Variants in BICRAL observed in about 807,000 individuals in gnomAD.
BICRAL encodes the protein BRD4-interacting chromatin-remodeling complex-associated protein-like.
BICRAL carries 8 observed loss-of-function variants against 91.8 expected under a neutral mutation model. The observed-to-expected ratio is 0.09, with a 90% CI of 0.05 to 0.16. The LOEUF is 0.16. Ranked by LOEUF, BICRAL falls within the 10% of genes least tolerant of loss-of-function variation. BICRAL has a pLI of 1.00. For synonymous variants in BICRAL, 445 were observed against 491.1 expected (o/e 0.91, Z 1.24); for missense variants, 1,038 against 1,310.9 (o/e 0.79, Z 3.21).
chr6:42,750,084 C>T (rs908623815), intron 1 of BICRAL, among the ~76,000 whole-genome samples: 12 of 151,260 alleles, frequency 7.9e-5, no homozygotes, highest in African/African-American at 2.4e-4. Flanking sequence ...AGGCTGGTCT[C>T]GAACTCCTGA....
intron 9 of BICRAL, among the ~76,000 whole-genome samples, chr6:42,856,371 T>C (rs1486190811): frequency 3.7e-5 from 4 of 109,128 alleles, no homozygotes; most frequent in Non-Finnish European, 3.9e-5. Flanking sequence ...TTTTCCTTTT[T>C]TTTTTTTTTT....
chr6:42,751,850 T>G (rs962119370), intron 1 of BICRAL, among the ~76,000 whole-genome samples: 3 of 151,482 alleles, frequency 2.0e-5, no homozygotes, highest in African/African-American at 4.9e-5. Flanking sequence ...AGAGACGGGG[T>G]TTCTCCATGT....
chr6:42,757,785 CTAT>C (rs1762484675), intron 1 of BICRAL, among the ~76,000 whole-genome samples: 1 of 152,222 alleles, frequency 6.6e-6, no homozygotes, highest in Non-Finnish European at 1.5e-5. Context: ...GTACATACTA[CTAT>C]TATTCTCATT....
rs968473106 is a variant in BICRAL at position 42,827,033 on chromosome 6, G to A, written c.160-1460G>A. On this transcript the variant is annotated intron_variant, in intron 5 of 12. Coordinates refer to ENST00000314073, the MANE Select transcript of BICRAL (RefSeq NM_001393499.1). Reference sequence around the variant, plus strand: ...ACTCCCAACCTCAGGTGATCCGCCCGCCTCAGCCTCCCAAAGTGCTGGGAT... The same window carrying A: ...ACTCCCAACCTCAGGTGATCCGCCCACCTCAGCCTCCCAAAGTGCTGGGAT... Among the ~76,000 whole-genome samples the A allele has an allele frequency of 2.0e-5, 3 of 152,198 alleles. No homozygotes were observed. The East Asian group carries it at 5.8e-4, about 29-fold the overall frequency.
chr6:42,765,602 G>C (rs1762619608), intron 1 of BICRAL, among the ~76,000 whole-genome samples: 1 of 152,220 alleles, frequency 6.6e-6, no homozygotes, highest in South Asian at 2.1e-4. Flanking sequence ...TGATGATGAA[G>C]TGAAAGGTGA....
At chr6:42,777,111 TTAG>T (rs1250424386), upstream of BICRAL, among the ~76,000 whole-genome samples, 2 of 152,214 alleles carry the variant, frequency 1.3e-5, no homozygotes, top group African/African-American at 4.8e-5. Context: ...GAGAAACATA[TTAG>T]GTTGAATCAT....
chr6:42,842,940 G>A (rs1344002972), intron 6 of BICRAL, among the ~76,000 whole-genome samples: 4 of 150,778 alleles, frequency 2.7e-5, no homozygotes, highest in Admixed American at 6.6e-5. Flanking sequence ...TGCAAGCTCC[G>A]CCTCCCAGGT....
At chr6:42,850,043 T>TA (rs1161856731) in intron 6 of BICRAL, among the ~76,000 whole-genome samples, 2 of 149,164 alleles carry the variant, frequency 1.3e-5, no homozygotes, top group African/African-American at 2.5e-5. Flanking sequence ...TCTCAATAAA[T>TA]AAATAAAATA....
At chr6:42,796,219 AAGAT>A (rs1388345224) in intron 1 of BICRAL, among the ~76,000 whole-genome samples, 1 of 152,198 alleles carries the variant, frequency 6.6e-6, no homozygotes, top group Non-Finnish European at 1.5e-5. Flanking sequence ...AACATATAGA[AAGAT>A]AGGAAGACGG....
At chr6:42,821,931 G>C (rs1764147981) in intron 2 of BICRAL, 87 bp from the exon 3 acceptor site, 1 of 750,490 alleles carries the variant, frequency 1.3e-6, no homozygotes, top group African/African-American at 1.7e-5. Context: ...ATCCAGAAAA[G>C]TGTAAGGCAT....
chr6:42,798,379 A>AC (rs1763473363), intron 1 of BICRAL, among the ~76,000 whole-genome samples: 1 of 116,072 alleles, frequency 8.6e-6, no homozygotes, highest in South Asian at 3.0e-4. Flanking sequence ...AACTAGAAAA[A>AC]GAAAAAAAAT....
intron 6 of BICRAL, among the ~76,000 whole-genome samples, chr6:42,835,507 G>T (rs979727601): frequency 6.7e-6 from 1 of 150,280 alleles, no homozygotes; most frequent in African/African-American, 2.5e-5. Flanking sequence ...AGAATATACA[G>T]AAAATAGTCT....
chr6:42,845,649 A>G (rs1352955227), intron 6 of BICRAL, among the ~76,000 whole-genome samples: 8 of 152,090 alleles, frequency 5.3e-5, no homozygotes, highest in Non-Finnish European at 7.4e-5. Flanking sequence ...CTCCTGGACT[A>G]AAATGATTGC....
rs56209754 is a variant in BICRAL at position 42,747,805 on chromosome 6, G to GTTT, written c.-261+798_-261+800dup. The stretch of plus-strand genomic sequence containing the variant: ...TGTTTTTGCTTTTTTGTTTTATTTT[G>GTTT]TTTTTTTTTTTTTTTTTTGAGACGG... On this transcript the variant is annotated intron_variant, in intron 1 of 14. Coordinates refer to the BICRAL transcript ENST00000614467. 3.5e-3 allele frequency among the ~76,000 whole-genome samples: 434 copies of GTTT among 125,284 alleles called. 7 individuals are homozygous for GTTT. Among genetic ancestry groups the GTTT allele is most frequent in the South Asian group, 4.2e-3 (16 of 3,788 alleles). The allele number at this position is 125,284 out of a possible 152,430, so 82.2% of individuals were successfully genotyped here. A position where few individuals can be genotyped will look rare whatever the true frequency, so the allele number is the denominator to read the frequency against.
At chr6:42,844,626 C>T (rs1385562088) in intron 6 of BICRAL, among the ~76,000 whole-genome samples, 5 of 137,782 alleles carry the variant, frequency 3.6e-5, no homozygotes, top group African/African-American at 1.3e-4. Flanking sequence ...ATAGATTTAA[C>T]AACTGGGAGG....
At chr6:42,800,591 C>CTAGA (rs1239426034) in intron 1 of BICRAL, among the ~76,000 whole-genome samples, 1 of 151,694 alleles carries the variant, frequency 6.6e-6, no homozygotes. Flanking sequence ...GCTTCATCGC[C>CTAGA]CAGGCTAGAG....
At chr6:42,778,498 G>A (rs1762833642), upstream of BICRAL, among the ~76,000 whole-genome samples, 2 of 152,204 alleles carry the variant, frequency 1.3e-5, no homozygotes, top group South Asian at 4.1e-4. Flanking sequence ...AGTGCCTGGT[G>A]GCACTTAGAA....
chr6:42,747,287 A>G (rs1454225026), intron 1 of BICRAL, among the ~76,000 whole-genome samples: 1 of 152,172 alleles, frequency 6.6e-6, no homozygotes, highest in Non-Finnish European at 1.5e-5. Context: ...TGCTTCGCTC[A>G]GATCTGCGGA....
chr6:42,863,767 C>T (rs1765625969), intron 12 of BICRAL, among the ~76,000 whole-genome samples: 2 of 152,254 alleles, frequency 1.3e-5, no homozygotes, highest in South Asian at 4.1e-4. Flanking sequence ...GGTGCTCACA[C>T]CTGTAACCCC....
Sources: allele counts gnomAD v4.1 joint callset (sites outside exome capture counted in the v4.1 genomes callset), GRCh38; gene constraint gnomAD v4.1.1; transcripts MANE v1.5; gene names NCBI Gene and HGNC (gene_info 2026-07-23, HGNC 2026-07-21).